INTS7: variants seen among roughly 807,000 people sequenced by gnomAD.
INTS7 encodes the protein integrator complex subunit 7.
Under a neutral mutation model 109.2 loss-of-function variants are expected in INTS7, and 46 were observed. The ratio of observed to expected loss-of-function variants is 0.42; its 90% CI spans 0.33 to 0.54. The LOEUF (loss-of-function observed/expected upper bound fraction) is 0.54. INTS7 is among the 20% of genes least tolerant of loss of function. INTS7 has a pLI of 0.07. For missense variants in INTS7, 929 were observed against 1,132.4 expected (o/e 0.82, Z 2.58); for synonymous variants, 412 against 402.9 (o/e 1.02, Z -0.27).
At chr1:211,980,301 C>T (rs1029228337) in intron 10 of INTS7, among the ~76,000 whole-genome samples, 10 of 152,188 alleles carry the variant, frequency 6.6e-5, no homozygotes, top group African/African-American at 2.4e-4. Context: ...TGAAACCACA[C>T]CTTAGACAAG....
At position 211,982,818 on chromosome 1, in the gene INTS7, AG is replaced by A; in HGVS notation, c.998-9del. The A allele has an allele frequency of 6.3e-7, 1 of 1,598,230 alleles. No individual in the cohort carries two copies. The highest frequency in any genetic ancestry group is 8.5e-7 in the Non-Finnish European group (1 of 1,170,684). ...GAGAAGAACTCACATTTCCTAAAAA[AG>A]CAGAGAAAAGTAGTAGAAATTGTAA... On this transcript the variant is annotated splice_polypyrimidine_tract_variant and intron_variant, in intron 8 of 19. Coordinates refer to ENST00000366994, the MANE Select transcript of INTS7 (RefSeq NM_015434.4).
chr1:211,969,346 C>T (rs1446781095), intron 13 of INTS7, among the ~76,000 whole-genome samples: 1 of 151,584 alleles, frequency 6.6e-6, no homozygotes, highest in Non-Finnish European at 1.5e-5. Flanking sequence ...CATTACCATC[C>T]CCCAAAATCC....
chr1:211,979,083 A>C (rs1664541065), intron 10 of INTS7, among the ~76,000 whole-genome samples: 2 of 152,202 alleles, frequency 1.3e-5, no homozygotes, highest in African/African-American at 4.8e-5. Context: ...AATTTCTCTT[A>C]CCAAGGCCTT....
chr1:211,979,722 A>C (rs904368185), intron 10 of INTS7, among the ~76,000 whole-genome samples: 1 of 152,198 alleles, frequency 6.6e-6, no homozygotes, highest in Non-Finnish European at 1.5e-5. Context: ...CAACAGGTAC[A>C]TTCTTACTTT....
intron 8 of INTS7, among the ~76,000 whole-genome samples, chr1:211,985,347 T>TA (rs780837576): frequency 6.6e-6 from 1 of 152,212 alleles, no homozygotes; most frequent in East Asian, 1.9e-4. Flanking sequence ...GTTTGCTTTT[T>TA]AAACTACTTT....
chr1:211,945,958 A>G (rs1026487267), intron 18 of INTS7, among the ~76,000 whole-genome samples: 1 of 152,342 alleles, frequency 6.6e-6, no homozygotes, highest in East Asian at 1.9e-4. Flanking sequence ...AGTTGGGTCT[A>G]TAAGTTGGGT....
In INTS7 at chr1:211,940,711, T is replaced by C. The variant is rs778215460; in HGVS notation, c.*1113A>G. 11 of 152,330 alleles carry C rather than the reference T, an allele frequency of 7.2e-5. No individual in the cohort carries two copies. The highest frequency in any genetic ancestry group is 1.5e-4 in the Non-Finnish European group (10 of 68,028). The allele number at this position is 152,330 out of a possible 1,614,324, so 9.4% of individuals were successfully genotyped here. A position where few individuals can be genotyped will look rare whatever the true frequency, so the allele number is the denominator to read the frequency against. On this transcript the variant is annotated 3_prime_UTR_variant, in exon 20 of 20. Coordinates refer to ENST00000366994, the MANE Select transcript of INTS7 (RefSeq NM_015434.4). ...CCTGAGCATCCCAACAAACTGAGCC[T>C]GTGTAATAAAGAGACTGCTCTCTCT...
intron 8 of INTS7, among the ~76,000 whole-genome samples, chr1:211,987,194 G>A (rs1380064835): frequency 1.3e-5 from 2 of 152,072 alleles, no homozygotes; most frequent in Non-Finnish European, 2.9e-5. Flanking sequence ...CAACTCGGGA[G>A]GCTGAGGCAA....
In INTS7 at chr1:211,952,671, G is replaced by A; in HGVS notation, c.2214C>T (p.Ala738=). Residue 738 remains alanine (A), a synonymous_variant, in exon 17 of 20, where the codon GCC becomes GCT. Coordinates refer to ENST00000366994, the MANE Select transcript of INTS7 (RefSeq NM_015434.4). The part of the protein sequence containing the change: ...SFQEYGSTGT[A]HADSEYERRM... ...TTCTTTCATATTCACTATCAGCATG[G>A]GCTGTTCCAGTAGATCCATATTCCT... 2 of 1,612,506 alleles carry A rather than the reference G, an allele frequency of 1.2e-6. No homozygotes were observed. Among genetic ancestry groups the A allele is most frequent in the Non-Finnish European group, 1.7e-6 (2 of 1,179,014 alleles).
intron 4 of INTS7, among the ~76,000 whole-genome samples, chr1:212,012,191 GA>G: frequency 6.6e-6 from 1 of 152,154 alleles, no homozygotes; most frequent in African/African-American, 2.4e-5. Context: ...GAAAGCGTGT[GA>G]GTTTGTAACT....
At chr1:211,974,430 T>C (rs1664328684) in intron 13 of INTS7, among the ~76,000 whole-genome samples, 1 of 151,538 alleles carries the variant, frequency 6.6e-6, no homozygotes, top group African/African-American at 2.4e-5. Context: ...TTTAGATATG[T>C]TATAAATGTA....
At position 211,952,682 on chromosome 1, in the gene INTS7, T is replaced by C. The variant is rs200549920; in HGVS notation, c.2203A>G (p.Thr735Ala). ...ESASFQEYGS[T>A]GTAHADSEYE... ...TCACTATCAGCATGGGCTGTTCCAGTAGATCCATATTCCTGGAAACTGAAG... is the reference window on the plus strand; with the variant it reads ...TCACTATCAGCATGGGCTGTTCCAGCAGATCCATATTCCTGGAAACTGAAG... Residue 735 changes from threonine (T) to alanine (A), a missense_variant, in exon 17 of 20, where the codon ACT becomes GCT. By Grantham distance (58) the Thr-to-Ala change is moderately conservative (BLOSUM62 0). Coordinates refer to ENST00000366994, the MANE Select transcript of INTS7 (RefSeq NM_015434.4). 3.5e-5 allele frequency: 56 copies of C among 1,612,200 alleles called. No homozygotes were observed. Among genetic ancestry groups the C allele is most frequent in the Non-Finnish European group, 4.5e-5 (53 of 1,178,924 alleles).
chr1:211,989,941 T>C (rs2102441538), intron 7 of INTS7, among the ~76,000 whole-genome samples: 1 of 152,272 alleles, frequency 6.6e-6, no homozygotes, highest in Non-Finnish European at 1.5e-5. Context: ...ACTTTGAACA[T>C]TTTAAATTAA....
intron 8 of INTS7, 27 bp from the exon 9 acceptor site, chr1:211,982,837 A>G: frequency 6.3e-7 from 1 of 1,577,314 alleles, no homozygotes. Flanking sequence ...AAGTAGTAGA[A>G]ATTGTAATTC....
At chr1:212,010,754 T>C (rs1267813294) in intron 5 of INTS7, among the ~76,000 whole-genome samples, 1 of 152,198 alleles carries the variant, frequency 6.6e-6, no homozygotes, top group Admixed American at 6.5e-5. Flanking sequence ...TTACATGTTG[T>C]ATAGGCTTAG....
chr1:211,949,724 G>C (rs1663003164), intron 17 of INTS7, among the ~76,000 whole-genome samples: 1 of 151,994 alleles, frequency 6.6e-6, no homozygotes, highest in Non-Finnish European at 1.5e-5. Flanking sequence ...CAATTTCTAA[G>C]AAGCCCCCCT....
At chr1:212,029,186 A>C (rs1456133540) in intron 1 of INTS7, among the ~76,000 whole-genome samples, 1 of 152,258 alleles carries the variant, frequency 6.6e-6, no homozygotes, top group Non-Finnish European at 1.5e-5. Flanking sequence ...AGCTGCAAGC[A>C]ACAGAAGCTA....
At chr1:211,954,084 T>C (rs568758890) in intron 16 of INTS7, among the ~76,000 whole-genome samples, 30 of 152,370 alleles carry the variant, frequency 2.0e-4, no homozygotes, top group African/African-American at 6.7e-4. Context: ...TTTTTAATGA[T>C]TGCCATTCTA....
At chr1:212,016,456 G>A (rs1347456316) in intron 4 of INTS7, among the ~76,000 whole-genome samples, 1 of 152,132 alleles carries the variant, frequency 6.6e-6, no homozygotes, top group Non-Finnish European at 1.5e-5. Flanking sequence ...ATTCTGAATA[G>A]GTTAAAATTG....
Sources: gnomAD v4.1 joint callset for allele counts (sites outside exome capture counted in the v4.1 genomes callset) on GRCh38, gnomAD v4.1.1 for gene constraint, MANE v1.5 for transcripts, NCBI Gene and HGNC (gene_info 2026-07-23, HGNC 2026-07-21) for gene names.